The following DPP10 variants were observed in gnomAD, a reference collection of about 807,000 sequenced individuals.
DPP10 encodes the protein dipeptidyl peptidase like 10, also known as inactive dipeptidyl peptidase 10.
DPP10 carries 33 observed loss-of-function variants against 120.9 expected under a neutral mutation model. The observed-to-expected ratio is 0.27, with a 90% CI of 0.21 to 0.37. The LOEUF (loss-of-function observed/expected upper bound fraction) is 0.37. DPP10 is among the 10% of genes least tolerant of loss of function. The pLI is 1.00. For synonymous variants in DPP10, 337 were observed against 326.1 expected (o/e 1.03, Z -0.36); for missense variants, 816 against 942.8 (o/e 0.87, Z 1.76).
chr2:114,657,590 G>T (rs1017483558), intron 1 of DPP10, among the ~76,000 whole-genome samples: 15 of 152,116 alleles, frequency 9.9e-5, no homozygotes, highest in African/African-American at 3.6e-4. Flanking sequence ...CCCATCGTGA[G>T]AAGGCAAGAT....
chr2:115,551,318 T>A (rs2079858171), intron 5 of DPP10, among the ~76,000 whole-genome samples: 1 of 152,142 alleles, frequency 6.6e-6, no homozygotes, highest in Non-Finnish European at 1.5e-5. Context: ...AAGAACAAAT[T>A]GCTCTTGTGG....
At chr2:114,828,346 T>C (rs1686751367) in intron 1 of DPP10, 1 of 152,236 alleles carries the variant, frequency 6.6e-6, no homozygotes. Context: ...AACATAACGT[T>C]AATCATCATT....
chr2:115,445,064 A>G (rs1446502383), intron 3 of DPP10, among the ~76,000 whole-genome samples: 2 of 152,022 alleles, frequency 1.3e-5, no homozygotes, highest in Non-Finnish European at 2.9e-5. Context: ...ATGGTTTTAT[A>G]AGTGTGGTTA....
At chr2:114,774,245 AC>A (rs1024955778) in intron 1 of DPP10, among the ~76,000 whole-genome samples, 1 of 151,924 alleles carries the variant, frequency 6.6e-6, no homozygotes, top group Non-Finnish European at 1.5e-5. Context: ...TGAAATTGAC[AC>A]TCTAATGTGA....
intron 3 of DPP10, among the ~76,000 whole-genome samples, chr2:115,363,098 T>C (rs963467083): frequency 6.6e-6 from 1 of 152,166 alleles, no homozygotes; most frequent in Non-Finnish European, 1.5e-5. Flanking sequence ...TAAACCTATC[T>C]GGTCTCTGGT....
At chr2:115,633,132 G>T (rs1053109074) in intron 5 of DPP10, among the ~76,000 whole-genome samples, 1 of 152,122 alleles carries the variant, frequency 6.6e-6, no homozygotes, top group Non-Finnish European at 1.5e-5. Flanking sequence ...ACATGCACAC[G>T]TATGTTTATT....
At chr2:115,463,422 A>G (rs2074113223) in intron 3 of DPP10, among the ~76,000 whole-genome samples, 1 of 152,180 alleles carries the variant, frequency 6.6e-6, no homozygotes, top group African/African-American at 2.4e-5. Flanking sequence ...TCCAGAAGAG[A>G]TAGTTGAAGG....
intron 1 of DPP10, among the ~76,000 whole-genome samples, chr2:115,118,781 GTGT>G: frequency 8.4e-6 from 1 of 118,822 alleles, no homozygotes; most frequent in East Asian, 2.4e-4. Flanking sequence ...GTGTGTGTGT[GTGT>G]GTGTGTGTTT....
intron 1 of DPP10, among the ~76,000 whole-genome samples, chr2:115,135,002 G>A (rs199967897): frequency 6.6e-6 from 1 of 152,034 alleles, no homozygotes; most frequent in East Asian, 1.9e-4. Flanking sequence ...ACTAATTTGT[G>A]AAATTACACT....
intron 1 of DPP10, among the ~76,000 whole-genome samples, chr2:114,691,090 A>G (rs1699714225): frequency 6.6e-6 from 1 of 151,480 alleles, no homozygotes; most frequent in Non-Finnish European, 1.5e-5. Flanking sequence ...CCTGGCCAGA[A>G]CCAATACCAT....
intron 1 of DPP10, among the ~76,000 whole-genome samples, chr2:115,136,766 T>C (rs1394134302): frequency 6.6e-6 from 1 of 152,168 alleles, no homozygotes; most frequent in Non-Finnish European, 1.5e-5. Flanking sequence ...TTTGGAGGAA[T>C]AGTACAAAAA....
At chr2:114,477,884 TATATGTAC>T (rs1198529229) in intron 1 of DPP10, among the ~76,000 whole-genome samples, 1 of 148,614 alleles carries the variant, frequency 6.7e-6, no homozygotes, top group Non-Finnish European at 1.5e-5. Context: ...TATATGTGTA[TATATGTAC>T]ATATGTGTAT....
chr2:115,823,211 G>A (rs2150068110), intron 21 of DPP10, among the ~76,000 whole-genome samples: 1 of 152,100 alleles, frequency 6.6e-6, no homozygotes, highest in South Asian at 2.1e-4. Context: ...ATTCTTTGAT[G>A]CTTTTGTTGC....
intron 3 of DPP10, among the ~76,000 whole-genome samples, chr2:115,361,326 G>C (rs996062456): frequency 3.3e-5 from 5 of 151,976 alleles, no homozygotes; most frequent in African/African-American, 1.2e-4. Context: ...TGCCCATCTG[G>C]GTCAGATACT....
chr2:114,488,217 C>G (rs1681676512), intron 1 of DPP10, among the ~76,000 whole-genome samples: 1 of 152,174 alleles, frequency 6.6e-6, no homozygotes, highest in East Asian at 1.9e-4. Context: ...CTGAGTTACT[C>G]TGGCCTAGTG....
At chr2:115,679,658 A>C (rs1184352374) in intron 5 of DPP10, among the ~76,000 whole-genome samples, 1 of 152,254 alleles carries the variant, frequency 6.6e-6, no homozygotes, top group East Asian at 1.9e-4. Context: ...AATAATATGC[A>C]GCTATTACAA....
chr2:114,623,627 A>G (rs1041209439), intron 1 of DPP10, among the ~76,000 whole-genome samples: 2 of 152,096 alleles, frequency 1.3e-5, no homozygotes, highest in African/African-American at 4.8e-5. Context: ...AAGTCCTACA[A>G]CAGCAAAAAT....
intron 19 of DPP10, among the ~76,000 whole-genome samples, chr2:115,795,188 G>T (rs1684403755): frequency 6.6e-6 from 1 of 152,144 alleles, no homozygotes; most frequent in Non-Finnish European, 1.5e-5. Context: ...TATTTAAAAA[G>T]AAGGGATTTT....
chr2:115,469,150 G>T (rs1163030969), intron 3 of DPP10, among the ~76,000 whole-genome samples: 1 of 151,780 alleles, frequency 6.6e-6, no homozygotes, highest in Non-Finnish European at 1.5e-5. Context: ...TGGTCTCGAG[G>T]TTCTTAAGCT....
Sources: gnomAD v4.1 joint callset for allele counts (sites outside exome capture counted in the v4.1 genomes callset) on GRCh38, gnomAD v4.1.1 for gene constraint, MANE v1.5 for transcripts, NCBI Gene and HGNC (gene_info 2026-07-23, HGNC 2026-07-21) for gene names.